KAZN: variants seen among roughly 807,000 people sequenced by gnomAD.
The protein encoded by KAZN is kazrin, periplakin interacting protein.
Under a neutral mutation model 87.4 loss-of-function variants are expected in KAZN, and 40 were observed. That is an observed-to-expected ratio of 0.46 (90% CI 0.36 to 0.60). The LOEUF is 0.60. Ranked by LOEUF, KAZN falls within the 20% of genes least tolerant of loss-of-function variation. The pLI, the probability that KAZN is intolerant of heterozygous loss-of-function variation, is 0.00. For missense variants in KAZN, 898 were observed against 1,073.9 expected, an observed-to-expected ratio of 0.84 and a Z score of 2.29; for synonymous variants, 466 against 458.3, an observed-to-expected ratio of 1.02 and a Z score of -0.22.
Position 14,996,789 on chromosome 1 carries a change from C to G in KAZN, c.418+35914C>G, listed in dbSNP as rs1024589259. Among the ~76,000 whole-genome samples, 1 of 152,206 alleles carries G rather than the reference C, an allele frequency of 6.6e-6. No individual in the cohort carries two copies. Among genetic ancestry groups the G allele is most frequent in the Non-Finnish European group, 1.5e-5 (1 of 68,038 alleles). On this transcript the variant is annotated intron_variant, in intron 2 of 14. Transcript: ENST00000376030. The surrounding 1 kb of genome is among the most constrained non-coding windows in gnomAD (Gnocchi z 5.9). ...AGGCCACTTGCAGGAAGACACACCA[C>G]GGAGCCTCCCCGCTCCTGGTGCTCC... is the stretch of plus-strand genomic sequence containing the variant.
intron 1 of KAZN, among the ~76,000 whole-genome samples, chr1:13,926,652 TAA>T (rs60345092): frequency 0.18 from 26,458 of 144,914 alleles, 2,391 homozygotes; most frequent in African/African-American, 0.22. Context: ...CTTTAAGAGT[TAA>T]AAAAAAAAAA....
At chr1:14,953,114 G>A (rs1317138328) in intron 1 of KAZN, among the ~76,000 whole-genome samples, 1 of 152,244 alleles carries the variant, frequency 6.6e-6, no homozygotes, top group Admixed American at 6.5e-5. Flanking sequence ...TCGGGTGTTG[G>A]GTGTGAGCAG....
intron 2 of KAZN, among the ~76,000 whole-genome samples, chr1:14,279,457 C>G (rs1272934304): frequency 6.6e-6 from 1 of 152,126 alleles, no homozygotes; most frequent in East Asian, 1.9e-4. Flanking sequence ...ATAGAGATGC[C>G]AGGAGATTCT....
chr1:14,837,935 G>A (rs979220268), intron 1 of KAZN, among the ~76,000 whole-genome samples: 1 of 152,158 alleles, frequency 6.6e-6, no homozygotes, highest in Non-Finnish European at 1.5e-5. Flanking sequence ...TTGGGGTGGT[G>A]GAGGGTAATC....
chr1:14,702,313 T>C (rs1641965897), intron 1 of KAZN, among the ~76,000 whole-genome samples: 2 of 138,610 alleles, frequency 1.4e-5, no homozygotes, highest in African/African-American at 5.3e-5. Flanking sequence ...AAAATGCTGA[T>C]ATTTTTGCAA....
At chr1:14,536,171 G>T (rs1219005693) in intron 2 of KAZN, among the ~76,000 whole-genome samples, 2 of 152,198 alleles carry the variant, frequency 1.3e-5, no homozygotes, top group Admixed American at 6.5e-5. Flanking sequence ...ATGACCAAGG[G>T]TTCAACACTG....
chr1:13,960,402 G>A (rs1315933329), intron 1 of KAZN, among the ~76,000 whole-genome samples: 2 of 152,110 alleles, frequency 1.3e-5, no homozygotes, highest in Non-Finnish European at 2.9e-5. Flanking sequence ...GCTTTTATAA[G>A]GACATACCTT....
intron 1 of KAZN, among the ~76,000 whole-genome samples, chr1:14,903,071 G>A (rs1486737767): frequency 6.6e-6 from 1 of 151,916 alleles, no homozygotes; most frequent in African/African-American, 2.4e-5. Flanking sequence ...GTTTCACCAT[G>A]TTGGCCAGGC....
At chr1:14,962,734 C>T (rs4421581) in intron 2 of KAZN, among the ~76,000 whole-genome samples, 12,403 of 152,188 alleles carry the variant, frequency 0.081, 1,670 homozygotes, top group African/African-American at 0.28. Flanking sequence ...GGGACAGAGA[C>T]GCCAACCTCC....
intron 2 of KAZN, among the ~76,000 whole-genome samples, chr1:14,468,985 T>C (rs188133349): frequency 1.6e-3 from 243 of 152,358 alleles, no homozygotes; most frequent in African/African-American, 5.7e-3. Context: ...TACAGTTTAC[T>C]GTCTCTTTCT....
chr1:14,784,431 C>G (rs1645444115), intron 1 of KAZN, among the ~76,000 whole-genome samples: 1 of 152,156 alleles, frequency 6.6e-6, no homozygotes. Flanking sequence ...TCCTCTCTCC[C>G]TGCATTAAGG....
intron 2 of KAZN, among the ~76,000 whole-genome samples, chr1:14,326,222 A>G (rs2149506): frequency 0.054 from 8,178 of 151,964 alleles, 338 homozygotes; most frequent in East Asian, 0.14. Context: ...CCGAGTTCCC[A>G]CCACCAACAC....
chr1:14,660,978 C>A (rs958917782), intron 1 of KAZN, among the ~76,000 whole-genome samples: 5 of 152,142 alleles, frequency 3.3e-5, no homozygotes, highest in African/African-American at 1.2e-4. Context: ...CCGGAGACAT[C>A]TGAAGTCGCA....
At chr1:14,859,210 C>CA (rs1195192834) in intron 1 of KAZN, among the ~76,000 whole-genome samples, 6,432 of 97,356 alleles carry the variant, frequency 0.066, 425 homozygotes, top group African/African-American at 0.21. Context: ...GACCCCGTCT[C>CA]AAAAAAAAAA....
chr1:14,081,904 G>A (rs1392588339), intron 1 of KAZN, among the ~76,000 whole-genome samples: 1 of 152,118 alleles, frequency 6.6e-6, no homozygotes, highest in Non-Finnish European at 1.5e-5. Context: ...CTGAGAAGCT[G>A]GGATTACAGG....
chr1:14,575,522 G>A lies in KAZN; in HGVS notation c.250-23461G>A, dbSNP rs367870979. Among the ~76,000 whole-genome samples, 46 of 152,258 alleles carry A rather than the reference G, an allele frequency of 3.0e-4. 2 individuals are homozygous for A. The highest frequency in any genetic ancestry group is 2.3e-3 in the East Asian group (12 of 5,174). On this transcript the variant is annotated intron_variant, in intron 2 of 16. Transcript: ENST00000636203. ...TCCCACCAGATCCCTCCCAAAACAC[G>A]TGGGAATTAAGGGAGCTACCATTCA... is the stretch of plus-strand genomic sequence containing the variant.
In KAZN at chr1:14,960,752, T is replaced by C; in HGVS notation, c.295T>C (p.Leu99=). ...VHLLRQMKEM[L]AKDLEESQGG... is the part of the protein sequence containing the mutation. ...CCTTCTCCGGCAGATGAAGGAGATG[T>C]TGGCGAAGGACCTGGAGGAGTCGCA... Residue 99 remains leucine, a synonymous_variant, in exon 2 of 15, where the codon TTG becomes CTG. Transcript: ENST00000376030. The C allele has an allele frequency of 6.3e-7, 1 of 1,599,774 alleles. No homozygotes were observed. The highest frequency in any genetic ancestry group is 2.3e-5 in the East Asian group (1 of 44,406).
chr1:14,270,658 C>T (rs1449810136), intron 2 of KAZN, among the ~76,000 whole-genome samples: 1 of 152,228 alleles, frequency 6.6e-6, no homozygotes, highest in East Asian at 1.9e-4. Flanking sequence ...CCACAATAAG[C>T]AATTGAATGA....
intron 2 of KAZN, among the ~76,000 whole-genome samples, chr1:14,423,189 G>A (rs1449603423): frequency 4.6e-5 from 7 of 152,126 alleles, no homozygotes; most frequent in Non-Finnish European, 7.4e-5. Context: ...TTGATGACAA[G>A]GCTCTGGACT....
Sources: gnomAD v4.1 joint callset for allele counts (sites outside exome capture counted in the v4.1 genomes callset) on GRCh38, gnomAD v4.1.1 for gene constraint, Gnocchi (gnomAD v3.1) non-coding constraint, MANE v1.5 for transcripts, NCBI Gene and HGNC (gene_info 2026-07-23, HGNC 2026-07-21) for gene names.